CCSER1: variants seen among roughly 807,000 people sequenced by gnomAD.
The protein encoded by CCSER1 is coiled-coil serine rich protein 1.
In CCSER1, 41 loss-of-function variants were observed where a neutral mutation model predicts 82.0. That is an observed-to-expected ratio of 0.50 (90% CI 0.39 to 0.65). The LOEUF (loss-of-function observed/expected upper bound fraction) is 0.65, where lower values mean the gene tolerates loss of function less well. Among genes scored for constraint, CCSER1 ranks in the 30% least tolerant of loss-of-function variants. The pLI, the probability that CCSER1 is intolerant of heterozygous loss-of-function variation, is 0.00. For missense variants in CCSER1, 1,119 were observed against 1,064.2 expected, an observed-to-expected ratio of 1.05 and a Z score of -0.72; for synonymous variants, 414 against 383.9, an observed-to-expected ratio of 1.08 and a Z score of -0.92.
At chr4:90,576,634 G>C (rs1457876804) in intron 5 of CCSER1, among the ~76,000 whole-genome samples, 1 of 151,954 alleles carries the variant, frequency 6.6e-6, no homozygotes, top group Non-Finnish European at 1.5e-5. Context: ...AGCCTTTTCA[G>C]TTTACCTCTT....
chr4:91,091,075 A>G (rs773333950), intron 10 of CCSER1, among the ~76,000 whole-genome samples: 2 of 151,976 alleles, frequency 1.3e-5, no homozygotes, highest in Admixed American at 6.6e-5. Context: ...TTTCCACACA[A>G]TCCTACAGAT....
chr4:90,761,336 T>C (rs183329842), intron 7 of CCSER1, among the ~76,000 whole-genome samples: 1 of 152,188 alleles, frequency 6.6e-6, no homozygotes, highest in Non-Finnish European at 1.5e-5. Flanking sequence ...CTGATCACAC[T>C]GCTTGGAATT....
At position 90,966,639 on chromosome 4, in the gene CCSER1, A is replaced by G. The variant is rs528032197; in HGVS notation, c.2172+43192A>G. The stretch of plus-strand genomic sequence containing the variant: ...GAGAAGGACAATAAATCGCCAATTG[A>G]ATCCGTGGAAGGGATAAAGAGCAAC... On this transcript the variant is annotated intron_variant, in intron 9 of 10. Coordinates refer to ENST00000509176, the MANE Select transcript of CCSER1 (RefSeq NM_001145065.2). 2.6e-4 allele frequency among the ~76,000 whole-genome samples: 40 copies of G among 152,274 alleles called. No homozygotes were observed. The South Asian group carries it at 7.7e-3, about 29-fold the overall frequency.
chr4:91,593,705 A>G (rs148441227), intron 10 of CCSER1, among the ~76,000 whole-genome samples: 59 of 152,234 alleles, frequency 3.9e-4, no homozygotes, highest in African/African-American at 1.4e-3. Flanking sequence ...ATTGAGAAAA[A>G]TGCAAAAGGA....
At chr4:91,516,086 T>A (rs1760105336) in intron 10 of CCSER1, among the ~76,000 whole-genome samples, 1 of 152,130 alleles carries the variant, frequency 6.6e-6, no homozygotes, top group Admixed American at 6.5e-5. Context: ...TTTATATATA[T>A]TCCATATAGA....
Position 90,308,519 on chromosome 4 carries a change from A to C in CCSER1, c.235A>C (p.Lys79Gln). The C allele has an allele frequency of 6.2e-7, 1 of 1,613,962 alleles. No homozygotes were observed. The highest frequency in any genetic ancestry group is 8.5e-7 in the Non-Finnish European group (1 of 1,179,856). The change falls in exon 2 of 11, where the codon AAG becomes CAG. Residue 79 changes from lysine (K) to glutamine (Q), a missense_variant. Transcript: ENST00000509176. Reference protein sequence around the residue: ...SFHHKKGSEPKQEPTNQNLSI... With the variant: ...SFHHKKGSEPQQEPTNQNLSI... ...CCACCATAAGAAGGGGAGTGAGCCT[A>C]AGCAAGAGCCTACCAACCAGAACCT... is the stretch of plus-strand genomic sequence containing the variant.
chr4:91,055,235 T>C (rs970777085), intron 9 of CCSER1, among the ~76,000 whole-genome samples: 3 of 152,214 alleles, frequency 2.0e-5, no homozygotes, highest in African/African-American at 7.2e-5. Flanking sequence ...TTTAAAATTA[T>C]GCCATTTTAA....
At chr4:91,490,467 AT>A (rs755003668) in intron 10 of CCSER1, among the ~76,000 whole-genome samples, 1 of 152,072 alleles carries the variant, frequency 6.6e-6, no homozygotes, top group Admixed American at 6.6e-5. Context: ...GGAGGACATT[AT>A]GTTAATTGGA....
At chr4:91,110,276 T>C (rs2148870239) in intron 10 of CCSER1, among the ~76,000 whole-genome samples, 1 of 134,244 alleles carries the variant, frequency 7.4e-6, no homozygotes, top group South Asian at 2.4e-4. Flanking sequence ...TCTTTTCATA[T>C]TTCAGTTGTT....
In CCSER1 at chr4:90,645,444, T is replaced by G. The variant is rs1393625390; in HGVS notation, c.1932+17212T>G. Among the ~76,000 whole-genome samples the G allele has an allele frequency of 2.0e-5, 3 of 152,220 alleles. No homozygotes were observed. The East Asian group carries it at 5.8e-4, about 29-fold the overall frequency. On this transcript the variant is annotated intron_variant, in intron 6 of 10. Transcript: ENST00000509176. Reference sequence around the variant, plus strand: ...CATCTATATCTTCTTCTAAACAATTTCCTTTATATCTATACTTATAGTCTT... The same window carrying G: ...CATCTATATCTTCTTCTAAACAATTGCCTTTATATCTATACTTATAGTCTT...
In CCSER1 at chr4:90,271,893, AAGG is replaced by A. The variant is rs1185555086; in HGVS notation, c.-41-36347_-41-36345del. On this transcript the variant is annotated intron_variant, in intron 1 of 10. Coordinates refer to ENST00000509176, the MANE Select transcript of CCSER1 (RefSeq NM_001145065.2). The stretch of plus-strand genomic sequence containing the variant: ...TTTTTTTTTTTTTTTTTTTTTTTAA[AAGG>A]AGGTTTAATTGACTCACAGTTCTAG... Among the ~76,000 whole-genome samples, 3 of 80,366 alleles carry A rather than the reference AAGG, an allele frequency of 3.7e-5. No homozygotes were observed. In the East Asian group the frequency reaches 1.0e-3, roughly 28 times the overall value. 52.7% of individuals were successfully genotyped at this position (80,366 alleles called of 152,430 possible). A position where few individuals can be genotyped will look rare whatever the true frequency, so the allele number is the denominator to read the frequency against.
At chr4:90,990,406 G>A (rs1020569070) in intron 9 of CCSER1, among the ~76,000 whole-genome samples, 2 of 151,944 alleles carry the variant, frequency 1.3e-5, no homozygotes, top group Non-Finnish European at 2.9e-5. Flanking sequence ...CCATTGCAGA[G>A]GATAGACACT....
intron 3 of CCSER1, among the ~76,000 whole-genome samples, chr4:90,331,130 G>C (rs1274968161): frequency 6.6e-6 from 1 of 151,642 alleles, no homozygotes; most frequent in Non-Finnish European, 1.5e-5. Context: ...AATTATTCTG[G>C]TTCAATAAGC....
intron 9 of CCSER1, among the ~76,000 whole-genome samples, chr4:91,078,862 G>C (rs868145668): frequency 5.3e-5 from 8 of 152,136 alleles, no homozygotes; most frequent in East Asian, 1.9e-4. Flanking sequence ...GAAATGTAGC[G>C]ACAAGAGAAG....
chr4:90,409,041 CAAAAT>C (rs1395831413), intron 4 of CCSER1, among the ~76,000 whole-genome samples: 3 of 151,604 alleles, frequency 2.0e-5, no homozygotes, highest in Non-Finnish European at 4.4e-5. Flanking sequence ...TGATGGAAGA[CAAAAT>C]GAATGAAATA....
chr4:90,458,724 CCTT>C (rs1377951537), intron 4 of CCSER1, among the ~76,000 whole-genome samples: 7 of 152,158 alleles, frequency 4.6e-5, no homozygotes, highest in Non-Finnish European at 8.8e-5. Flanking sequence ...AAGTCATAAA[CCTT>C]CTATGTGAAC....
At chr4:90,616,985 G>C (rs1263524665) in intron 5 of CCSER1, among the ~76,000 whole-genome samples, 1 of 152,064 alleles carries the variant, frequency 6.6e-6, no homozygotes. Flanking sequence ...CTGTTTTGCT[G>C]TGTGTATCCT....
chr4:90,216,833 A>G (rs1741126172), intron 1 of CCSER1, among the ~76,000 whole-genome samples: 1 of 152,162 alleles, frequency 6.6e-6, no homozygotes, highest in Admixed American at 6.5e-5. Context: ...GTCACTTGGC[A>G]ACCAACAGGA....
intron 5 of CCSER1, among the ~76,000 whole-genome samples, chr4:90,621,624 C>T (rs548136828): frequency 6.6e-6 from 1 of 152,208 alleles, no homozygotes; most frequent in African/African-American, 2.4e-5. Context: ...TTTTTAGTGT[C>T]TGTCTGTAAA....
Sources: allele counts gnomAD v4.1 joint callset (sites outside exome capture counted in the v4.1 genomes callset), GRCh38; gene constraint gnomAD v4.1.1; transcripts MANE v1.5; gene names NCBI Gene and HGNC (gene_info 2026-07-23, HGNC 2026-07-21).